The following TM6SF1 variants were observed in gnomAD, a reference collection of about 807,000 sequenced individuals.
TM6SF1 encodes the protein transmembrane 6 superfamily member 1.
In TM6SF1, 43 loss-of-function variants were observed where a neutral mutation model predicts 47.1. The observed-to-expected ratio is 0.91, with a 90% CI of 0.72 to 1.18. The LOEUF is 1.18. Among genes scored for constraint, TM6SF1 ranks in the 50% most tolerant of loss-of-function variants. The probability of loss-of-function intolerance (pLI) is 0.00; values close to 1 mark genes in which losing one functional copy is unlikely to be tolerated. For synonymous variants in TM6SF1, 177 were observed against 166.3 expected, an observed-to-expected ratio of 1.06 and a Z score of -0.49; for missense variants, 390 against 449.0, an observed-to-expected ratio of 0.87 and a Z score of 1.19.
chr15:83,125,801 A>G (rs1381885503), intron 7 of TM6SF1, among the ~76,000 whole-genome samples: 1 of 152,238 alleles, frequency 6.6e-6, no homozygotes, highest in Non-Finnish European at 1.5e-5. Context: ...GGGCCTGTGC[A>G]GCAGGCTGGG....
At chr15:83,133,282 T>C (rs1300541974) in intron 9 of TM6SF1, 1 of 152,218 alleles carries the variant, frequency 6.6e-6, no homozygotes, top group East Asian at 1.9e-4. Flanking sequence ...CTGGCTATCA[T>C]CCCAATGGTC....
chr15:83,127,595 C>T, intron 9 of TM6SF1, 118 bp downstream of exon 9: 2 of 1,162,068 alleles, frequency 1.7e-6, no homozygotes, highest in Non-Finnish European at 2.5e-6. Flanking sequence ...GACATGTCAC[C>T]TTTTGTTTTG....
At chr15:83,112,246 G>C (rs746762849) in intron 1 of TM6SF1, among the ~76,000 whole-genome samples, 1 of 152,198 alleles carries the variant, frequency 6.6e-6, no homozygotes, top group Non-Finnish European at 1.5e-5. Context: ...GTCTAGTCCA[G>C]ACTCCTTCTC....
intron 7 of TM6SF1, among the ~76,000 whole-genome samples, chr15:83,125,708 G>T (rs1375190876): frequency 6.6e-6 from 1 of 152,134 alleles, no homozygotes; most frequent in African/African-American, 2.4e-5. Context: ...AAGCCTGTTG[G>T]CGCGCGTAAC....
At chr15:83,118,601 G>C (rs1220978438) in intron 3 of TM6SF1, among the ~76,000 whole-genome samples, 1 of 152,174 alleles carries the variant, frequency 6.6e-6, no homozygotes, top group Non-Finnish European at 1.5e-5. Context: ...TGACAGAGCA[G>C]TCCTTGCCCC....
intron 9 of TM6SF1, chr15:83,135,955 T>G (rs1291998841): frequency 6.6e-6 from 1 of 152,260 alleles, no homozygotes; most frequent in Non-Finnish European, 1.5e-5. Flanking sequence ...GAGCTCTTGC[T>G]GCAAGGAGTA....
chr15:83,125,369 G>C (rs1307806451), intron 7 of TM6SF1, among the ~76,000 whole-genome samples: 1 of 152,172 alleles, frequency 6.6e-6, no homozygotes, highest in African/African-American at 2.4e-5. Flanking sequence ...GCAGAGGTTA[G>C]GAAAAAGACT....
intron 9 of TM6SF1, chr15:83,132,810 T>C (rs777882025): frequency 6.6e-6 from 1 of 152,202 alleles, no homozygotes; most frequent in South Asian, 2.1e-4. Flanking sequence ...TTTTCTTCAT[T>C]TGCTTCTGGT....
intron 9 of TM6SF1, chr15:83,127,703 T>G: frequency 2.3e-6 from 1 of 426,646 alleles, no homozygotes; most frequent in Non-Finnish European, 4.2e-6. Context: ...GAGGAAGTTA[T>G]CTGTGGTCCA....
chr15:83,121,733 A>G (rs2035266395), intron 4 of TM6SF1, among the ~76,000 whole-genome samples, 188 bp from the exon 5 acceptor site: 1 of 152,250 alleles, frequency 6.6e-6, no homozygotes, highest in South Asian at 2.1e-4. Context: ...AAGGTTCTAT[A>G]GTATATCACA....
Position 83,115,885 on chromosome 15 carries a change from C to A in TM6SF1, c.237C>A (p.Ile79=), listed in dbSNP as rs769376781. The change falls in exon 3 of 10, where the codon ATC becomes ATA. Residue 79 remains isoleucine (I), a synonymous_variant. Transcript: ENST00000322019. ...GATTTACCAGCGTGGTGAACCTCAT[C>A]ATAGGACTGGAGCAAGATGGAATCA... is the stretch of plus-strand genomic sequence containing the variant. ...VFGFTSVVNL[I]IGLEQDGIID... 1.2e-6 allele frequency: 2 copies of A among 1,614,202 alleles called. No homozygotes were observed. The highest frequency in any genetic ancestry group is 2.2e-5 in the South Asian group (2 of 91,084).
In TM6SF1 at chr15:83,126,848, G is replaced by A. The variant is rs1237112442; in HGVS notation, c.801+1G>A. 2.5e-6 allele frequency: 4 copies of A among 1,607,292 alleles called. No individual in the cohort carries two copies. The highest frequency in any genetic ancestry group is 4.5e-5 in the East Asian group (2 of 44,798). On this transcript the variant is annotated splice_donor_variant, in intron 8 of 9. Coordinates refer to ENST00000322019, the MANE Select transcript of TM6SF1 (RefSeq NM_023003.5). LOFTEE classifies it high-confidence loss of function. ...TCCTGCTGCTTATCCTAAAATTCAG[G>A]TCAAGTAGTTATGAAGCCTAAGATT...
At chr15:83,129,650 A>G (rs2036071480) in intron 9 of TM6SF1, 1 of 152,234 alleles carries the variant, frequency 6.6e-6, no homozygotes, top group African/African-American at 2.4e-5. Flanking sequence ...CACCCCATGC[A>G]AACAATGAAC....
rs1216248572 is a variant in TM6SF1 at position 83,137,238 on chromosome 15, C to T, written c.*566C>T. 2.0e-5 allele frequency: 3 copies of T among 152,108 alleles called. No homozygotes were observed. Among genetic ancestry groups the T allele is most frequent in the African/African-American group, 4.8e-5 (2 of 41,432 alleles). The allele number at this position is 152,108 out of a possible 1,614,324, so 9.4% of individuals were successfully genotyped here. A position where few individuals can be genotyped will look rare whatever the true frequency, so the allele number is the denominator to read the frequency against. ...CTAAATTTTTTTGTGTGAATTTAAA[C>T]AGCTAAATAGGGATCAGTAACTTTA... On this transcript the variant is annotated 3_prime_UTR_variant, in exon 10 of 10. Transcript: ENST00000322019.
At chr15:83,126,670 C>A in intron 7 of TM6SF1, 85 bp from the exon 8 acceptor site, 2 of 1,077,556 alleles carry the variant, frequency 1.9e-6, no homozygotes, top group East Asian at 2.4e-5. Context: ...CAGCTTGTGA[C>A]TAAACCTGGC....
chr15:83,122,394 G>T lies in TM6SF1; in HGVS notation c.482-363G>T, dbSNP rs577850265. 2.8e-3 allele frequency among the ~76,000 whole-genome samples: 427 copies of T among 152,066 alleles called. 5 individuals are homozygous for T. Among genetic ancestry groups the T allele is most frequent in the African/African-American group, 9.3e-3 (385 of 41,470 alleles). On this transcript the variant is annotated intron_variant, in intron 5 of 9. Coordinates refer to ENST00000322019, the MANE Select transcript of TM6SF1 (RefSeq NM_023003.5). Reference sequence around the variant, plus strand: ...TGTATGCAGGAAATCAGGATATATAGGTAGATAGATAGATAGATAGATATA... The same window carrying T: ...TGTATGCAGGAAATCAGGATATATATGTAGATAGATAGATAGATAGATATA...
chr15:83,114,485 C>T (rs1596474949), intron 2 of TM6SF1: 1 of 152,358 alleles, frequency 6.6e-6, no homozygotes, highest in East Asian at 1.9e-4. Flanking sequence ...AAATGAGTAT[C>T]AGGAAGTGAC....
intron 9 of TM6SF1, chr15:83,135,855 C>G (rs1231882476): frequency 6.6e-6 from 1 of 152,122 alleles, no homozygotes; most frequent in African/African-American, 2.4e-5. Context: ...ACAACCTTAT[C>G]TTACAAACAA....
At chr15:83,126,870 G>A in intron 8 of TM6SF1, 23 bp downstream of exon 8, 1 of 1,572,040 alleles carries the variant, frequency 6.4e-7, no homozygotes, top group Non-Finnish European at 8.7e-7. Context: ...TGAAGCCTAA[G>A]ATTTTTCTAA....
Sources: gnomAD v4.1 joint callset for allele counts (sites outside exome capture counted in the v4.1 genomes callset) on GRCh38, gnomAD v4.1.1 for gene constraint, MANE v1.5 for transcripts, NCBI Gene and HGNC (gene_info 2026-07-23, HGNC 2026-07-21) for gene names.